The following NEK10 variants were observed in gnomAD, a reference collection of about 807,000 sequenced individuals.
NEK10 encodes the protein serine/threonine-protein kinase Nek10.
In NEK10, 122 loss-of-function variants were observed where a neutral mutation model predicts 159.8. The ratio of observed to expected loss-of-function variants is 0.76; its 90% CI spans 0.66 to 0.89. The LOEUF (loss-of-function observed/expected upper bound fraction) is 0.89, where lower values mean the gene tolerates loss of function less well. NEK10 is among the 40% of genes least tolerant of loss of function. The pLI, the probability that NEK10 is intolerant of heterozygous loss-of-function variation, is 0.00. For missense variants in NEK10, 1,342 were observed against 1,323.1 expected (o/e 1.01, Z -0.22); for synonymous variants, 466 against 457.1 (o/e 1.02, Z -0.25).
chr3:27,141,638 G>T, intron 30 of NEK10, 56 bp from the exon 31 acceptor site: 1 of 1,338,442 alleles, frequency 7.5e-7, no homozygotes, highest in Non-Finnish European at 1.1e-6. Context: ...TTACATTAGT[G>T]AAAAAATGAA....
intron 32 of NEK10, among the ~76,000 whole-genome samples, chr3:27,120,327 CTTTTTTT>C (rs879451959): frequency 7.0e-6 from 1 of 142,284 alleles, no homozygotes; most frequent in African/African-American, 2.6e-5. Flanking sequence ...TTTCTTTTTT[CTTTTTTT>C]TTTTTCTGCA....
rs1003178729 is a variant in NEK10, at chr3:27,161,773, C to T, written c.2869+928G>A. 5.3e-5 allele frequency among the ~76,000 whole-genome samples: 8 copies of T among 151,916 alleles called. No individual in the cohort carries two copies. In the East Asian group the frequency reaches 5.8e-4, roughly 11 times the overall value. ...AAACAATGTGATATGTCATTTTAAT[C>T]GTGGGCGGATCACCTGAGGTCAAGA... On this transcript the variant is annotated intron_variant, in intron 30 of 35. Coordinates refer to ENST00000691995, the MANE Select transcript of NEK10 (RefSeq NM_001394966.1).
At chr3:27,367,337 G>A (rs751356601) in intron 1 of NEK10, among the ~76,000 whole-genome samples, 5 of 152,158 alleles carry the variant, frequency 3.3e-5, no homozygotes, top group Non-Finnish European at 5.9e-5. Flanking sequence ...CCAAAGCTTA[G>A]CTCTTGCACA....
At chr3:27,186,610 G>C (rs892707038) in intron 26 of NEK10, among the ~76,000 whole-genome samples, 7 of 152,180 alleles carry the variant, frequency 4.6e-5, no homozygotes, top group African/African-American at 9.7e-5. Context: ...CGGGAGCTTT[G>C]AAGAAGCTTC....
chr3:27,202,479 C>G lies in NEK10; in HGVS notation c.2169G>C (p.Ala723=). The change falls in exon 24 of 36, where the codon GCG becomes GCC. Residue 723 remains alanine (A), a synonymous_variant. Coordinates refer to ENST00000691995, the MANE Select transcript of NEK10 (RefSeq NM_001394966.1). The part of the protein sequence containing the change: ...WAVGCILYQM[A]TLSPPFYSTN... ...TGCTGTAGAAGGGGGGACTCAAAGT[C>G]GCCATCTGATAAAGGATGCAGCCTA... 6.2e-7 allele frequency: 1 copy of G among 1,613,582 alleles called. No individual in the cohort carries two copies. Among genetic ancestry groups the G allele is most frequent in the South Asian group, 1.1e-5 (1 of 90,972 alleles).
At chr3:27,354,429 T>C (rs1217461729) in intron 1 of NEK10, among the ~76,000 whole-genome samples, 2 of 152,180 alleles carry the variant, frequency 1.3e-5, no homozygotes, top group Admixed American at 6.6e-5. Context: ...TTTGGAAATG[T>C]TGCACTTAAC....
Position 27,108,379 on chromosome 3 carries a change from T to C in NEK10, c.*2893A>G, listed in dbSNP as rs1167223766. Among the ~76,000 whole-genome samples the C allele has an allele frequency of 6.6e-6, 1 of 152,208 alleles. No homozygotes were observed. The highest frequency in any genetic ancestry group is 1.9e-4 in the East Asian group (1 of 5,196). Reference sequence around the variant, plus strand: ...TGAAGACTACATGCCTGGAGGAAGATAAAGTTAACAAGCAAGCAAATATTC... The same window carrying C: ...TGAAGACTACATGCCTGGAGGAAGACAAAGTTAACAAGCAAGCAAATATTC... On this transcript the variant is annotated 3_prime_UTR_variant, in exon 36 of 36. Coordinates refer to ENST00000691995, the MANE Select transcript of NEK10 (RefSeq NM_001394966.1).
chr3:27,201,676 G>A, intron 24 of NEK10, 96 bp from the exon 25 acceptor site: 1 of 829,290 alleles, frequency 1.2e-6, no homozygotes. Flanking sequence ...TACTAATTAA[G>A]CAGGATAACT....
intron 28 of NEK10, among the ~76,000 whole-genome samples, chr3:27,173,770 G>T (rs545480768): frequency 5.3e-5 from 8 of 152,048 alleles, no homozygotes; most frequent in African/African-American, 1.7e-4. Flanking sequence ...TAAAAAAATT[G>T]TTTCCCTTCA....
chr3:27,287,572 C>G, intron 20 of NEK10, 126 bp downstream of exon 20: 1 of 936,596 alleles, frequency 1.1e-6, no homozygotes, highest in Non-Finnish European at 1.5e-6. Context: ...AGACCATCTA[C>G]TGTCATATTA....
intron 30 of NEK10, among the ~76,000 whole-genome samples, chr3:27,154,423 G>A (rs1945200052): frequency 1.3e-5 from 2 of 152,100 alleles, no homozygotes. Context: ...TAGAGAAAGA[G>A]GGAACCCTCC....
chr3:27,289,090 G>A (rs2042817404), intron 19 of NEK10, among the ~76,000 whole-genome samples: 1 of 152,162 alleles, frequency 6.6e-6, no homozygotes, highest in South Asian at 2.1e-4. Flanking sequence ...ATGTGAGCAT[G>A]GCTATGGCAG....
At chr3:27,171,997 A>G (rs1947033178) in intron 28 of NEK10, 124 bp from the exon 29 acceptor site, 3 of 1,052,222 alleles carry the variant, frequency 2.9e-6, no homozygotes, top group South Asian at 3.2e-5. Context: ...GGGAACTCAT[A>G]CACTGTTGGT....
At chr3:27,144,016 T>C (rs1944041630) in intron 30 of NEK10, among the ~76,000 whole-genome samples, 1 of 152,246 alleles carries the variant, frequency 6.6e-6, no homozygotes, top group Non-Finnish European at 1.5e-5. Context: ...CTATTGATAG[T>C]CATTTCCAAG....
intron 30 of NEK10, among the ~76,000 whole-genome samples, chr3:27,152,176 C>G (rs915642637): frequency 3.3e-5 from 5 of 152,126 alleles, no homozygotes; most frequent in African/African-American, 1.2e-4. Flanking sequence ...AAGATCATCA[C>G]CTAGGCACAT....
At chr3:27,325,933 T>G (rs2149681093) in intron 5 of NEK10, among the ~76,000 whole-genome samples, 1 of 152,282 alleles carries the variant, frequency 6.6e-6, no homozygotes, top group African/African-American at 2.4e-5. Flanking sequence ...ACCCTGTCAG[T>G]GACCCCTTTT....
At position 27,141,537 on chromosome 3, in the gene NEK10, C is replaced by A; in HGVS notation, c.2915G>T (p.Ser972Ile). 6.2e-7 allele frequency: 1 copy of A among 1,613,448 alleles called. No homozygotes were observed. Among genetic ancestry groups the A allele is most frequent in the Non-Finnish European group, 8.5e-7 (1 of 1,179,568 alleles). The change falls in exon 31 of 36, where the codon AGT becomes ATT. Residue 972 changes from serine (S) to isoleucine (I), a missense_variant. By Grantham distance (142) the Ser-to-Ile change is moderately radical (BLOSUM62 -2). Transcript: ENST00000691995. ...AVSQRKVRQI[S>I]DPIQQILIQL... is the part of the protein sequence containing the mutation. The stretch of plus-strand genomic sequence containing the variant: ...AATTAATATCTGCTGAATAGGATCA[C>A]TGATCTGACGCACTTTCCTCTGGGA...
chr3:27,199,570 A>T (rs1949867336), intron 25 of NEK10, among the ~76,000 whole-genome samples: 1 of 152,180 alleles, frequency 6.6e-6, no homozygotes, highest in South Asian at 2.1e-4. Flanking sequence ...AAGACATAAA[A>T]ACAGAACTAC....
chr3:27,320,139 A>G (rs1476265661), intron 6 of NEK10, among the ~76,000 whole-genome samples: 1 of 152,090 alleles, frequency 6.6e-6, no homozygotes, highest in Non-Finnish European at 1.5e-5. Flanking sequence ...ATTCCCTTCT[A>G]TGGAAAGGCT....
Sources: allele counts gnomAD v4.1 joint callset (sites outside exome capture counted in the v4.1 genomes callset), GRCh38; gene constraint gnomAD v4.1.1; transcripts MANE v1.5; gene names NCBI Gene and HGNC (gene_info 2026-07-23, HGNC 2026-07-21).